TMTC2: variants seen among roughly 807,000 people sequenced by gnomAD.
TMTC2 encodes protein O-mannosyl-transferase TMTC2.
In TMTC2, 43 loss-of-function variants were observed where a neutral mutation model predicts 82.4. The observed-to-expected ratio is 0.52, with a 90% CI of 0.41 to 0.67. The LOEUF is 0.67. Among genes scored for constraint, TMTC2 ranks in the 30% least tolerant of loss-of-function variants. TMTC2 has a pLI of 0.00. For missense variants in TMTC2, 919 were observed against 1,012.4 expected (o/e 0.91, Z 1.25); for synonymous variants, 408 against 381.9 (o/e 1.07, Z -0.80).
intron 11 of TMTC2, among the ~76,000 whole-genome samples, chr12:83,079,303 CTTG>C (rs1316230565): frequency 6.6e-6 from 1 of 152,022 alleles, no homozygotes; most frequent in African/African-American, 2.4e-5. Flanking sequence ...ATAATTTTCA[CTTG>C]TTGTTTATAG....
chr12:82,877,759 G>T (rs1329044567), intron 2 of TMTC2, among the ~76,000 whole-genome samples: 1 of 152,088 alleles, frequency 6.6e-6, no homozygotes, highest in South Asian at 2.1e-4. Context: ...TACAGTAAAG[G>T]ATGGTCCTTA....
At chr12:83,050,831 T>A in intron 9 of TMTC2, 73 bp from the exon 10 acceptor site, 1 of 992,016 alleles carries the variant, frequency 1.0e-6, no homozygotes. Flanking sequence ...CTGTACTTAT[T>A]TTTCTTTAAT....
chr12:83,034,122 T>G lies in TMTC2; in HGVS notation c.2152+3243T>G, dbSNP rs142690998. Reference sequence around the variant, plus strand: ...ATATTTATACAGTGTATCTACTAGGTGCAACCACACTGTTCTGTGTTCAGA... The same window carrying G: ...ATATTTATACAGTGTATCTACTAGGGGCAACCACACTGTTCTGTGTTCAGA... On this transcript the variant is annotated intron_variant, in intron 9 of 11. Coordinates refer to ENST00000321196, the MANE Select transcript of TMTC2 (RefSeq NM_152588.3). 7.1e-3 allele frequency among the ~76,000 whole-genome samples: 1,087 copies of G among 152,134 alleles called. 14 individuals carry two copies. The highest frequency in any genetic ancestry group is 0.025 in the African/African-American group (1,035 of 41,508).
At chr12:83,010,335 C>G (rs1880398546) in intron 8 of TMTC2, among the ~76,000 whole-genome samples, 1 of 152,144 alleles carries the variant, frequency 6.6e-6, no homozygotes, top group Non-Finnish European at 1.5e-5. Context: ...CATCAGGCCT[C>G]CCAGATTGTA....
chr12:83,001,456 G>T (rs1176037098), intron 8 of TMTC2, among the ~76,000 whole-genome samples: 1 of 127,060 alleles, frequency 7.9e-6, no homozygotes, highest in African/African-American at 2.7e-5. Context: ...TGACCGACAT[G>T]GAGTAACCCC....
intron 1 of TMTC2, among the ~76,000 whole-genome samples, chr12:82,736,102 T>C (rs1875112919): frequency 6.6e-6 from 1 of 152,160 alleles, no homozygotes; most frequent in Non-Finnish European, 1.5e-5. Context: ...AGACTTTGCT[T>C]TTTCCATTTA....
chr12:82,948,376 A>AAC (rs1555200163), intron 4 of TMTC2, among the ~76,000 whole-genome samples: 13,459 of 43,864 alleles, frequency 0.31, 689 homozygotes, highest in South Asian at 0.51. Flanking sequence ...ATTTAAACAA[A>AAC]AAAAAAAAAG....
At chr12:82,945,526 CT>C (rs1876947456) in intron 4 of TMTC2, among the ~76,000 whole-genome samples, 2 of 152,266 alleles carry the variant, frequency 1.3e-5, no homozygotes, top group Non-Finnish European at 2.9e-5. Context: ...TTGAAAGTTA[CT>C]TAAATGGCCA....
At chr12:82,704,653 A>ACTT (rs1873256967) in intron 1 of TMTC2, among the ~76,000 whole-genome samples, 1 of 151,410 alleles carries the variant, frequency 6.6e-6, no homozygotes, top group Non-Finnish European at 1.5e-5. Flanking sequence ...TTTTTTTGGT[A>ACTT]AAATAGTATT....
intron 8 of TMTC2, among the ~76,000 whole-genome samples, chr12:83,028,410 C>T (rs2137418183): frequency 6.6e-6 from 1 of 152,262 alleles, no homozygotes; most frequent in South Asian, 2.1e-4. Context: ...TCCTCACCTT[C>T]CCACAACCCC....
chr12:82,885,578 C>T (rs1873055838), intron 2 of TMTC2, among the ~76,000 whole-genome samples: 1 of 151,742 alleles, frequency 6.6e-6, no homozygotes, highest in Non-Finnish European at 1.5e-5. Flanking sequence ...TTATGTTGCC[C>T]AAGTGGGTCC....
chr12:82,891,141 A>C (rs947261116), intron 2 of TMTC2, among the ~76,000 whole-genome samples: 2 of 152,170 alleles, frequency 1.3e-5, no homozygotes, highest in Non-Finnish European at 2.9e-5. Flanking sequence ...AAAATTTGCT[A>C]ATTTGATTTA....
intron 1 of TMTC2, among the ~76,000 whole-genome samples, chr12:82,824,590 C>T (rs897197248): frequency 9.2e-5 from 14 of 152,012 alleles, no homozygotes; most frequent in Non-Finnish European, 1.9e-4. Context: ...GAAAAAGATA[C>T]AGAAGTTAAT....
intron 2 of TMTC2, among the ~76,000 whole-genome samples, chr12:82,863,211 T>C (rs926009048): frequency 4.6e-5 from 7 of 152,152 alleles, no homozygotes; most frequent in Non-Finnish European, 2.9e-5. Context: ...TTACCGTTTG[T>C]GATTTTCCAT....
intron 3 of TMTC2, among the ~76,000 whole-genome samples, chr12:82,913,653 TA>T (rs1158298143): frequency 6.6e-6 from 1 of 152,232 alleles, no homozygotes; most frequent in Non-Finnish European, 1.5e-5. Flanking sequence ...CTATCTTACT[TA>T]ACCCTCTGGG....
At chr12:83,040,763 C>T (rs1881861745) in intron 9 of TMTC2, among the ~76,000 whole-genome samples, 1 of 151,294 alleles carries the variant, frequency 6.6e-6, no homozygotes, top group African/African-American at 2.4e-5. Flanking sequence ...TCTGCTCACG[C>T]AAGCTCTGCC....
intron 2 of TMTC2, among the ~76,000 whole-genome samples, chr12:82,878,889 A>G (rs1872697726): frequency 6.6e-6 from 1 of 152,152 alleles, no homozygotes; most frequent in Non-Finnish European, 1.5e-5. Context: ...AAATAAATAG[A>G]TAATGAAAAA....
chr12:82,960,693 C>T (rs879777176), intron 4 of TMTC2, among the ~76,000 whole-genome samples: 3 of 152,024 alleles, frequency 2.0e-5, no homozygotes, highest in South Asian at 2.1e-4. Flanking sequence ...GTACTATGCT[C>T]AGTACCTGGG....
At chr12:82,980,786 G>A (rs891877610) in intron 7 of TMTC2, among the ~76,000 whole-genome samples, 4 of 151,798 alleles carry the variant, frequency 2.6e-5, no homozygotes, top group African/African-American at 9.7e-5. Flanking sequence ...CTCTATCTGT[G>A]TCATAATTTT....
Sources: gnomAD v4.1 joint callset for allele counts (sites outside exome capture counted in the v4.1 genomes callset) on GRCh38, gnomAD v4.1.1 for gene constraint, MANE v1.5 for transcripts, NCBI Gene and HGNC (gene_info 2026-07-23, HGNC 2026-07-21) for gene names.